The following PARP4 variants were observed in gnomAD, a reference collection of about 807,000 sequenced individuals.
The protein encoded by PARP4 is poly(ADP-ribose) polymerase family member 4.
A neutral mutation model predicts 187.7 loss-of-function variants in PARP4; 120 were observed. The observed-to-expected ratio is 0.64, with a 90% CI of 0.55 to 0.74. The LOEUF is 0.74. Among genes scored for constraint, PARP4 ranks in the 30% least tolerant of loss-of-function variants. The pLI, the probability that PARP4 is intolerant of heterozygous loss-of-function variation, is 0.00. For synonymous variants in PARP4, 654 were observed against 740.9 expected, an observed-to-expected ratio of 0.88 and a Z score of 1.90; for missense variants, 1,836 against 2,070.5, an observed-to-expected ratio of 0.89 and a Z score of 2.20.
intron 17 of PARP4, among the ~76,000 whole-genome samples, chr13:24,464,334 A>G (rs982218360): frequency 6.6e-6 from 1 of 152,168 alleles, no homozygotes; most frequent in African/African-American, 2.4e-5. Context: ...GAGCCTGTAG[A>G]GCCAAGACAA....
intron 31 of PARP4, among the ~76,000 whole-genome samples, chr13:24,432,984 C>T (rs1007406416): frequency 2.0e-5 from 3 of 152,082 alleles, no homozygotes; most frequent in Non-Finnish European, 4.4e-5. Flanking sequence ...ATGTACCAAC[C>T]CATAGAGAAG....
chr13:24,435,900 G>C (rs1378356041), intron 30 of PARP4, among the ~76,000 whole-genome samples: 1 of 140,202 alleles, frequency 7.1e-6, no homozygotes, highest in Non-Finnish European at 1.5e-5. Flanking sequence ...CTGTGTGAGA[G>C]GGCAATATTC....
At chr13:24,424,307 G>C (rs1038613777) in intron 33 of PARP4, among the ~76,000 whole-genome samples, 7 of 152,034 alleles carry the variant, frequency 4.6e-5, no homozygotes, top group Admixed American at 4.6e-4. Flanking sequence ...GTCTACCCTT[G>C]CTTTTGGTTG....
chr13:24,434,118 T>C (rs1249077498), intron 31 of PARP4, among the ~76,000 whole-genome samples: 10 of 152,222 alleles, frequency 6.6e-5, no homozygotes, highest in Admixed American at 2.6e-4. Context: ...TTCATTTTCA[T>C]GTGAGGAATA....
At position 24,477,719 on chromosome 13, in the gene PARP4, T is replaced by C. The variant is rs1357892006; in HGVS notation, c.1771A>G (p.Asn591Asp). The change falls in exon 14 of 34, where the codon AAT (asparagine) becomes GAT (aspartate). Residue 591 changes from asparagine (N) to aspartate (D), a missense_variant. Asn to Asp is a conservative substitution (Grantham distance 23). Around this residue, in one of 8 missense-constraint regions of PARP4, gnomAD observed 1,147 missense variants for 1,214.2 expected, o/e 0.94. Coordinates refer to ENST00000381989, the MANE Select transcript of PARP4 (RefSeq NM_006437.4). The stretch of plus-strand genomic sequence containing the variant: ...GTCCTACCTTCAACCTTTGAAAAAT[T>C]TGAAAACTCAGGTCTGTATTCCTCT... ...ELEEYRPEFS[N>D]FSKVEDYQLP... 8.8e-6 allele frequency: 14 copies of C among 1,584,890 alleles called. No individual in the cohort carries two copies. Among genetic ancestry groups the C allele is most frequent in the Admixed American group, 1.8e-5 (1 of 54,476 alleles).
intron 15 of PARP4, among the ~76,000 whole-genome samples, chr13:24,475,151 T>C (rs1458866777): frequency 6.6e-6 from 1 of 152,150 alleles, no homozygotes; most frequent in African/African-American, 2.4e-5. Flanking sequence ...CTCCTATCTG[T>C]GAAAGCAGCT....
At chr13:24,423,686 CT>C (rs199940054) in intron 33 of PARP4, among the ~76,000 whole-genome samples, 1 of 150,748 alleles carries the variant, frequency 6.6e-6, no homozygotes, top group South Asian at 2.1e-4. Flanking sequence ...TTATGATTTT[CT>C]TTTTTTTTCA....
intron 15 of PARP4, among the ~76,000 whole-genome samples, chr13:24,471,146 T>C (rs1003415643): frequency 6.6e-6 from 1 of 152,226 alleles, no homozygotes; most frequent in African/African-American, 2.4e-5. Context: ...CACTGTCCCC[T>C]TGACTGTGCA....
At chr13:24,458,050 C>G (rs1871979103) in intron 20 of PARP4, among the ~76,000 whole-genome samples, 1 of 151,878 alleles carries the variant, frequency 6.6e-6, no homozygotes, top group Non-Finnish European at 1.5e-5. Context: ...CAAAAAGGAT[C>G]CCTTGAACCC....
In PARP4 at chr13:24,478,170, A is replaced by C; in HGVS notation, c.1555T>G (p.Ser519Ala). The change falls in exon 13 of 34, where the codon TCC becomes GCC. Residue 519 changes from serine to alanine, a missense_variant. Transcript: ENST00000381989. ...TAGCCTGGTGGTGCTTCAGTTAAGGAAAAGTCCTTCTCATGTAAGTCCATA... is the reference window on the plus strand; with the variant it reads ...TAGCCTGGTGGTGCTTCAGTTAAGGCAAAGTCCTTCTCATGTAAGTCCATA... ...KCMDLHEKDFSLTEAPPGYDS... is the reference protein window; with the variant it reads ...KCMDLHEKDFALTEAPPGYDS... 1.2e-6 allele frequency: 2 copies of C among 1,613,880 alleles called. No individual in the cohort carries two copies. Among genetic ancestry groups the C allele is most frequent in the Non-Finnish European group, 1.7e-6 (2 of 1,179,830 alleles).
chr13:24,452,657 C>T (rs987046519), intron 23 of PARP4, 64 bp from the exon 24 acceptor site: 4 of 1,314,990 alleles, frequency 3.0e-6, no homozygotes, highest in Non-Finnish European at 4.3e-6. Flanking sequence ...TTGCTGTCAT[C>T]ATTGACACAT....
chr13:24,457,973 C>T (rs1046081477), intron 20 of PARP4, among the ~76,000 whole-genome samples: 1 of 151,878 alleles, frequency 6.6e-6, no homozygotes, highest in African/African-American at 2.4e-5. Context: ...CTGCAGAATT[C>T]TAAAAAGGAA....
chr13:24,448,608 A>G (rs1319316959), intron 25 of PARP4, among the ~76,000 whole-genome samples: 2 of 152,238 alleles, frequency 1.3e-5, no homozygotes, highest in Non-Finnish European at 2.9e-5. Flanking sequence ...ATGATCCAGC[A>G]ATCCCACGCT....
chr13:24,477,762 A>T lies in PARP4; in HGVS notation c.1728T>A (p.Pro576=), dbSNP rs1430024308. ...ATTCCTCTAATTCAGTATGATCACTAGGATGAAAGTCCTTTATCTGATCTC... is the reference window on the plus strand; with the variant it reads ...ATTCCTCTAATTCAGTATGATCACTTGGATGAAAGTCCTTTATCTGATCTC... ...MPGDQIKDFH[P]SDHTELEEYR... is the part of the protein sequence containing the mutation. The change falls in exon 14 of 34, where the codon CCT becomes CCA. Residue 576 remains proline, a synonymous_variant. Transcript: ENST00000381989. 2.5e-6 allele frequency: 4 copies of T among 1,588,112 alleles called. No homozygotes were observed. In the African/African-American group the frequency reaches 5.4e-5, roughly 21 times the overall value.
chr13:24,457,770 C>CAAAAAAAAAAAAAAAAAAAAAAAAAAA (rs33930012), intron 20 of PARP4, among the ~76,000 whole-genome samples: 1 of 85,664 alleles, frequency 1.2e-5, no homozygotes, highest in African/African-American at 5.0e-5. Context: ...GACTCTGTCT[C>CAAAAAAAAAAAAAAAAAAAAAAAAAAA]AAAAAAAAAA....
chr13:24,492,742 T>C (rs1171587612), intron 8 of PARP4, 148 bp from the exon 9 acceptor site: 16 of 677,164 alleles, frequency 2.4e-5, no homozygotes, highest in Non-Finnish European at 3.4e-5. Context: ...CTGATCTTTA[T>C]TGGAGACGTA....
chr13:24,432,621 T>G (rs1200240039), intron 31 of PARP4, among the ~76,000 whole-genome samples: 1 of 152,198 alleles, frequency 6.6e-6, no homozygotes, highest in Non-Finnish European at 1.5e-5. Context: ...GGATTGTCAA[T>G]CATAGGCCCT....
chr13:24,486,617 G>C (rs1873571705), intron 10 of PARP4, among the ~76,000 whole-genome samples: 1 of 152,038 alleles, frequency 6.6e-6, no homozygotes, highest in African/African-American at 2.4e-5. Flanking sequence ...CTTGCTCTGG[G>C]CAACAGAGCA....
chr13:24,424,145 T>G (rs554059154), intron 33 of PARP4, among the ~76,000 whole-genome samples: 1 of 152,230 alleles, frequency 6.6e-6, no homozygotes, highest in South Asian at 2.1e-4. Flanking sequence ...TGAACACCTG[T>G]TTTGTGTTTG....
Sources: allele counts gnomAD v4.1 joint callset (sites outside exome capture counted in the v4.1 genomes callset), GRCh38; gene constraint gnomAD v4.1.1; regional missense constraint gnomAD v4.1.1; transcripts MANE v1.5; gene names NCBI Gene and HGNC (gene_info 2026-07-23, HGNC 2026-07-21).